Variants in ANKRD55 observed in about 807,000 individuals in gnomAD.
ANKRD55 encodes the protein ankyrin repeat domain-containing protein 55.
Under a neutral mutation model 60.6 loss-of-function variants are expected in ANKRD55, and 41 were observed. The ratio of observed to expected loss-of-function variants is 0.68; its 90% CI spans 0.53 to 0.88. The LOEUF (loss-of-function observed/expected upper bound fraction) is 0.88. ANKRD55 is among the 40% of genes least tolerant of loss of function. The pLI is 0.00. For synonymous variants in ANKRD55, 264 were observed against 290.3 expected, an observed-to-expected ratio of 0.91 and a Z score of 0.92; for missense variants, 732 against 767.6, an observed-to-expected ratio of 0.95 and a Z score of 0.55.
At chr5:56,128,661 T>C (rs966861812) in intron 7 of ANKRD55, among the ~76,000 whole-genome samples, 2 of 150,160 alleles carry the variant, frequency 1.3e-5, no homozygotes, top group Non-Finnish European at 3.0e-5. Flanking sequence ...TGTGTGATCG[T>C]CTGGGCCTGG....
At chr5:56,233,123 GT>G in intron 1 of ANKRD55, 117 bp downstream of exon 1, 1 of 593,408 alleles carries the variant, frequency 1.7e-6, no homozygotes, top group East Asian at 2.8e-5. Context: ...TAGGAAAAGA[GT>G]TACTCTATGG....
At chr5:56,148,385 A>G (rs1232782958) in intron 6 of ANKRD55, among the ~76,000 whole-genome samples, 4 of 152,220 alleles carry the variant, frequency 2.6e-5, no homozygotes, top group Non-Finnish European at 4.4e-5. Flanking sequence ...AAAATCAAAA[A>G]GTATTGATTG....
chr5:56,188,710 G>C (rs111757004), intron 2 of ANKRD55, among the ~76,000 whole-genome samples: 1 of 152,098 alleles, frequency 6.6e-6, no homozygotes, highest in Non-Finnish European at 1.5e-5. Flanking sequence ...TGCTATTTTG[G>C]TTACTATAGC....
chr5:56,155,285 G>A (rs1298547726), intron 6 of ANKRD55, among the ~76,000 whole-genome samples: 1 of 151,648 alleles, frequency 6.6e-6, no homozygotes, highest in Non-Finnish European at 1.5e-5. Context: ...GACAGAGAAG[G>A]ACTGAAAAAA....
intron 2 of ANKRD55, among the ~76,000 whole-genome samples, chr5:56,184,014 G>T (rs893539001): frequency 6.6e-6 from 1 of 152,150 alleles, no homozygotes; most frequent in Non-Finnish European, 1.5e-5. Flanking sequence ...CAATAACTCA[G>T]TTTACTACCT....
chr5:56,174,761 G>A (rs1758700992), intron 4 of ANKRD55, among the ~76,000 whole-genome samples: 1 of 151,028 alleles, frequency 6.6e-6, no homozygotes, highest in Non-Finnish European at 1.5e-5. Context: ...GAACCTGGGA[G>A]GCAGAGTCTG....
intron 6 of ANKRD55, among the ~76,000 whole-genome samples, chr5:56,144,597 A>G (rs575345582): frequency 6.6e-6 from 1 of 152,052 alleles, no homozygotes; most frequent in Non-Finnish European, 1.5e-5. Flanking sequence ...CTGTCTCTGC[A>G]TAACACATTT....
At chr5:56,142,966 T>A (rs1757808950) in intron 7 of ANKRD55, among the ~76,000 whole-genome samples, 1 of 152,136 alleles carries the variant, frequency 6.6e-6, no homozygotes, top group Non-Finnish European at 1.5e-5. Flanking sequence ...GGCACACATG[T>A]CAATCCTGAA....
At chr5:56,112,784 G>A (rs972807670) in intron 9 of ANKRD55, among the ~76,000 whole-genome samples, 3 of 152,254 alleles carry the variant, frequency 2.0e-5, no homozygotes, top group Non-Finnish European at 4.4e-5. Context: ...AACCTGACCC[G>A]TGTGTGTGCC....
intron 2 of ANKRD55, among the ~76,000 whole-genome samples, chr5:56,219,335 A>G (rs368587969): frequency 1.1e-3 from 166 of 152,058 alleles, no homozygotes; most frequent in Admixed American, 3.1e-3. Context: ...TATTATATGC[A>G]TGTATCTTAA....
chr5:56,170,634 A>T, intron 5 of ANKRD55, 60 bp downstream of exon 5: 2 of 1,323,146 alleles, frequency 1.5e-6, no homozygotes, highest in South Asian at 2.4e-5. Flanking sequence ...GGATTAGATG[A>T]CCTTCTCATA....
intron 7 of ANKRD55, among the ~76,000 whole-genome samples, chr5:56,135,714 A>G (rs1003885669): frequency 1.3e-5 from 2 of 152,176 alleles, no homozygotes; most frequent in African/African-American, 2.4e-5. Context: ...AGTTAATGCA[A>G]TAAGACAAGA....
intron 2 of ANKRD55, chr5:56,193,455 T>C (rs1302161702): frequency 4.0e-6 from 2 of 506,246 alleles, no homozygotes; most frequent in East Asian, 4.1e-5. Flanking sequence ...GCTGTTCCGA[T>C]CTTGCAGTTT....
chr5:56,169,733 G>A (rs1352430244), intron 5 of ANKRD55, among the ~76,000 whole-genome samples: 1 of 152,138 alleles, frequency 6.6e-6, no homozygotes, highest in Non-Finnish European at 1.5e-5. Flanking sequence ...AGGGCTTCAG[G>A]TTTTAGTTCT....
intron 6 of ANKRD55, among the ~76,000 whole-genome samples, chr5:56,152,850 T>G (rs1469866787): frequency 6.6e-6 from 1 of 151,850 alleles, no homozygotes; most frequent in Non-Finnish European, 1.5e-5. Flanking sequence ...AAAAACATAA[T>G]TTAACATAAC....
rs149324573 is a variant in ANKRD55, at chr5:56,130,409, A to G, written c.613-3303T>C. ...ATCCTGTCCCACCTAAGAAGGGGAAAAAACATCCTGAGAATCACTTGGAAT... is the reference window on the plus strand; with the variant it reads ...ATCCTGTCCCACCTAAGAAGGGGAAGAAACATCCTGAGAATCACTTGGAAT... On this transcript the variant is annotated intron_variant, in intron 7 of 11. Coordinates refer to ENST00000341048, the MANE Select transcript of ANKRD55 (RefSeq NM_024669.3). Among the ~76,000 whole-genome samples, 4 of 152,314 alleles carry G rather than the reference A, an allele frequency of 2.6e-5. No homozygotes were observed. The East Asian group carries it at 5.8e-4, about 22-fold the overall frequency.
rs1286032146 is a variant in ANKRD55 at position 56,109,075 on chromosome 5, A to ACACC, written c.1630+2042_1630+2043insGGTG. Among the ~76,000 whole-genome samples the ACACC allele has an allele frequency of 8.1e-5, 11 of 135,760 alleles. No individual in the cohort carries two copies. The Middle Eastern group carries it at 0.011, about 138-fold the overall frequency. The allele number at this position is 135,760 out of a possible 152,430, so 89.1% of individuals were successfully genotyped here. A position where few individuals can be genotyped will look rare whatever the true frequency, so the allele number is the denominator to read the frequency against. On this transcript the variant is annotated intron_variant, in intron 10 of 11. Transcript: ENST00000341048. ...CACACACACACACACACACACACAC[A>ACACC]CACACCCCACCGCCCAACAAAAACC...
intron 10 of ANKRD55, among the ~76,000 whole-genome samples, chr5:56,104,195 A>T (rs1367587316): frequency 2.6e-5 from 4 of 152,302 alleles, no homozygotes; most frequent in Admixed American, 2.6e-4. Flanking sequence ...AATAGGGATA[A>T]ATGCTGTAGG....
Position 56,225,368 on chromosome 5 carries a change from G to T in ANKRD55, c.58+7488C>A, listed in dbSNP as rs373960959. Among the ~76,000 whole-genome samples, 65 of 152,288 alleles carry T rather than the reference G, an allele frequency of 4.3e-4. 2 individuals are homozygous for T. In the Middle Eastern group the frequency reaches 0.027, roughly 64 times the overall value. On this transcript the variant is annotated intron_variant, in intron 2 of 11. Transcript: ENST00000341048. ...AAGAGCTATTTATGATAAACCCACA[G>T]CCAATATCATACTGAATGGACAAAA...
Sources: gnomAD v4.1 joint callset for allele counts (sites outside exome capture counted in the v4.1 genomes callset) on GRCh38, gnomAD v4.1.1 for gene constraint, MANE v1.5 for transcripts, NCBI Gene and HGNC (gene_info 2026-07-23, HGNC 2026-07-21) for gene names.